The following BCR variants were observed in gnomAD, a reference collection of about 807,000 sequenced individuals.
The protein encoded by BCR is breakpoint cluster region protein.
A neutral mutation model predicts 138.6 loss-of-function variants in BCR; 58 were observed. That is an observed-to-expected ratio of 0.42 (90% CI 0.34 to 0.52). BCR has a LOEUF of 0.52. Ranked by LOEUF, BCR falls within the 20% of genes least tolerant of loss-of-function variation. The pLI is 0.06. For synonymous variants in BCR, 786 were observed against 730.1 expected (o/e 1.08, Z -1.23); for missense variants, 1,599 against 1,727.2 (o/e 0.93, Z 1.32).
chr22:23,216,526 G>A (rs1295266472), intron 1 of BCR, among the ~76,000 whole-genome samples: 2 of 152,244 alleles, frequency 1.3e-5, no homozygotes, highest in African/African-American at 4.8e-5. Context: ...TAGCAACGTG[G>A]AACATTGTCA....
At chr22:23,235,907 A>T (rs1418099408) in intron 1 of BCR, among the ~76,000 whole-genome samples, 2 of 152,180 alleles carry the variant, frequency 1.3e-5, no homozygotes, top group East Asian at 3.9e-4. Context: ...CTCCTGACCT[A>T]ATCACCCCCA....
At chr22:23,270,800 T>G (rs889295533) in intron 5 of BCR, among the ~76,000 whole-genome samples, 1 of 152,228 alleles carries the variant, frequency 6.6e-6, no homozygotes, top group African/African-American at 2.4e-5. Flanking sequence ...GATCTTTTAT[T>G]CTGCACTTCT....
chr22:23,202,934 G>C (rs551847602), intron 1 of BCR, among the ~76,000 whole-genome samples: 19 of 152,042 alleles, frequency 1.2e-4, no homozygotes, highest in African/African-American at 4.6e-4. Context: ...GGTGCAGTAA[G>C]AGCTCACTGC....
intron 4 of BCR, chr22:23,264,824 A>AGGTTC (rs1444553027): frequency 1.3e-5 from 2 of 152,970 alleles, no homozygotes; most frequent in African/African-American, 4.8e-5. Context: ...TCGGGGCCAG[A>AGGTTC]GGTTCATTCC....
intron 1 of BCR, among the ~76,000 whole-genome samples, chr22:23,182,742 T>C (rs2072288462): frequency 2.6e-5 from 4 of 152,202 alleles, no homozygotes. Flanking sequence ...TGAGATATGC[T>C]AGCTGCTCCT....
In BCR at chr22:23,198,291, C is replaced by T. The variant is rs536586598; in HGVS notation, c.1279+16052C>T. On this transcript the variant is annotated intron_variant, in intron 1 of 22. Transcript: ENST00000305877. ...GTGTCCACCGTCGGCCTGCTCTGTT[C>T]CGGGGCAGGGCCACATCTTTGTCCG... The T allele has an allele frequency of 3.3e-4, 149 of 446,116 alleles. 1 individual carries two copies. The highest frequency in any genetic ancestry group is 7.1e-4 in the Admixed American group (27 of 37,820). The allele number at this position is 446,116 out of a possible 1,614,324, so 27.6% of individuals were successfully genotyped here. A position where few individuals can be genotyped will look rare whatever the true frequency, so the allele number is the denominator to read the frequency against.
intron 5 of BCR, among the ~76,000 whole-genome samples, 159 bp downstream of exon 5, chr22:23,268,674 G>A (rs55941592): frequency 0.061 from 9,331 of 152,290 alleles, 391 homozygotes; most frequent in East Asian, 0.15. Flanking sequence ...TGCTGGGGAT[G>A]CTGTTGTGCG....
At chr22:23,192,714 C>G (rs573943363) in intron 1 of BCR, among the ~76,000 whole-genome samples, 1 of 152,220 alleles carries the variant, frequency 6.6e-6, no homozygotes, top group Admixed American at 6.5e-5. Flanking sequence ...GTTGGAAGGG[C>G]GCTGCCCATC....
chr22:23,297,207 GTT>G (rs1307353327), intron 16 of BCR, among the ~76,000 whole-genome samples: 9 of 97,378 alleles, frequency 9.2e-5, no homozygotes, highest in African/African-American at 4.4e-4. Flanking sequence ...TGGCTAAGTT[GTT>G]TTTTGTTTTT....
chr22:23,212,221 C>A (rs974761896), intron 1 of BCR, among the ~76,000 whole-genome samples: 5 of 152,180 alleles, frequency 3.3e-5, no homozygotes, highest in Non-Finnish European at 7.3e-5. Context: ...GCCACATGGA[C>A]CCCTACAGCC....
rs201098494 is a variant in BCR, at chr22:23,315,516, A to T, written c.3810A>T (p.Glu1270Asp). 3.4e-4 allele frequency: 552 copies of T among 1,612,120 alleles called. No homozygotes were observed. The East Asian group carries it at 5.3e-3, about 16-fold the overall frequency. ...GACAGAGCATCCTGTTCTCCACCGA[A>T]GTCTAAAGGTCCCAGTCCATCTCCT... ...SKRQSILFST[E>D]V Residue 1270 changes from glutamate (E) to aspartate (D), a missense_variant, in exon 23 of 23, where the codon GAA (glutamate) becomes GAT (aspartate). Around this residue, in one of 4 missense-constraint regions of BCR, gnomAD observed 177 missense variants for 226.4 expected, o/e 0.78. Transcript: ENST00000305877.
intron 4 of BCR, chr22:23,263,254 A>T: frequency 9.3e-7 from 1 of 1,070,274 alleles, no homozygotes; most frequent in Non-Finnish European, 1.4e-6. Context: ...ATGTGCTCCT[A>T]CCTCGACATG....
intron 1 of BCR, among the ~76,000 whole-genome samples, chr22:23,201,944 A>G (rs534875750): frequency 6.6e-5 from 10 of 152,330 alleles, no homozygotes; most frequent in South Asian, 4.1e-4. Flanking sequence ...TTTCTTGCCA[A>G]CTTTTGAGAT....
rs2073537093 is a variant in BCR at position 23,273,691 on chromosome 22, C to T, written c.2032C>T (p.Leu678Phe). ...TGACCACCCCTTGCTGCAGGACGCC[C>T]TCCGCATCTCACAGAACTTCCTGTC... ...HPDHPLLQDA[L>F]RISQNFLSSI... The change falls in exon 8 of 23, where the codon CTC (leucine) becomes TTC (phenylalanine). Residue 678 changes from leucine to phenylalanine, a missense_variant. Coordinates refer to ENST00000305877, the MANE Select transcript of BCR (RefSeq NM_004327.4). 6.2e-7 allele frequency: 1 copy of T among 1,614,160 alleles called. No individual in the cohort carries two copies. The highest frequency in any genetic ancestry group is 1.3e-5 in the African/African-American group (1 of 75,058).
In BCR at chr22:23,306,703, C is replaced by T. The variant is rs1305338988; in HGVS notation, c.3013-2721C>T. Reference sequence around the variant, plus strand: ...CAGCCAGACTGCGGGGTGGGGTTTCCCTCAAAGCCTGGTCAAAAGGCCTTG... The same window carrying T: ...CAGCCAGACTGCGGGGTGGGGTTTCTCTCAAAGCCTGGTCAAAAGGCCTTG... On this transcript the variant is annotated intron_variant, in intron 16 of 22. Transcript: ENST00000305877. 3 of 152,254 alleles carry T rather than the reference C, an allele frequency of 2.0e-5. No homozygotes were observed. The East Asian group carries it at 5.8e-4, about 29-fold the overall frequency. The allele number at this position is 152,254 out of a possible 1,614,324, so 9.4% of individuals were successfully genotyped here. A position where few individuals can be genotyped will look rare whatever the true frequency, so the allele number is the denominator to read the frequency against.
At position 23,314,632 on chromosome 22, in the gene BCR, C is replaced by G; in HGVS notation, c.3644C>G (p.Ser1215Cys). The G allele has an allele frequency of 1.2e-6, 2 of 1,611,988 alleles. No individual in the cohort carries two copies. The highest frequency in any genetic ancestry group is 1.1e-5 in the South Asian group (1 of 90,974). ...TTTGGCCCCACGCTGCTCCGGCCCT[C>G]CGAGAAGGAGAGCAAGCTCCCTGCC... is the stretch of plus-strand genomic sequence containing the variant. Reference protein sequence around the residue: ...TVFGPTLLRPSEKESKLPANP... With the variant: ...TVFGPTLLRPCEKESKLPANP... The change falls in exon 22 of 23, where the codon TCC (serine) becomes TGC (cysteine). Residue 1215 changes from serine to cysteine, a missense_variant. Physicochemically the swap from Ser to Cys is moderately radical, Grantham distance 112. This residue lies in a region of BCR where 177 missense variants were observed against 226.4 expected (regional missense o/e 0.78). Transcript: ENST00000305877.
intron 16 of BCR, among the ~76,000 whole-genome samples, chr22:23,305,852 G>A (rs990159701): frequency 2.0e-5 from 3 of 152,172 alleles, no homozygotes; most frequent in Non-Finnish European, 2.9e-5. Flanking sequence ...AACCCAGGGG[G>A]ACCCTGGACA....
chr22:23,314,873 A>G (rs1172609084), intron 22 of BCR, among the ~76,000 whole-genome samples, 159 bp downstream of exon 22: 1 of 152,214 alleles, frequency 6.6e-6, no homozygotes. Flanking sequence ...GATGGGAGTG[A>G]TAGTGGGGGC....
intron 1 of BCR, among the ~76,000 whole-genome samples, chr22:23,217,212 C>T (rs1805936971): frequency 6.6e-6 from 1 of 152,136 alleles, no homozygotes; most frequent in Admixed American, 6.5e-5. Flanking sequence ...TTTGCTGTTG[C>T]CATGTTATAT....
Sources: allele counts gnomAD v4.1 joint callset (sites outside exome capture counted in the v4.1 genomes callset), GRCh38; gene constraint gnomAD v4.1.1; regional missense constraint gnomAD v4.1.1; transcripts MANE v1.5; gene names NCBI Gene and HGNC (gene_info 2026-07-23, HGNC 2026-07-21).